Variants in PRDX5 observed in about 807,000 individuals in gnomAD.
PRDX5 encodes peroxiredoxin 5, also known as peroxiredoxin-5, mitochondrial.
In PRDX5, 21 loss-of-function variants were observed where a neutral mutation model predicts 23.8. The ratio of observed to expected loss-of-function variants is 0.88; its 90% CI spans 0.63 to 1.27. The LOEUF (loss-of-function observed/expected upper bound fraction) is 1.27. Among genes scored for constraint, PRDX5 ranks in the 50% most tolerant of loss-of-function variants. PRDX5 has a pLI of 0.00. For synonymous variants in PRDX5, 111 were observed against 113.3 expected (o/e 0.98, Z 0.13); for missense variants, 261 against 270.6 (o/e 0.96, Z 0.25).
chr11:64,319,636 G>T, intron 1 of PRDX5, 98 bp from the exon 2 acceptor site: 1 of 1,453,338 alleles, frequency 6.9e-7, no homozygotes, highest in Non-Finnish European at 9.3e-7. Flanking sequence ...TTCAGCCCCG[G>T]TTCCTGCAGG....
Position 64,321,685 on chromosome 11 carries a change from G to A in PRDX5, c.639G>A (p.Gln213=). The A allele has an allele frequency of 6.3e-7, 1 of 1,575,740 alleles. No individual in the cohort carries two copies. Among genetic ancestry groups the A allele is most frequent in the Non-Finnish European group, 8.6e-7 (1 of 1,160,674 alleles). The change falls in exon 6 of 6, where the codon CAG becomes CAA. Residue 213 remains glutamine (Q), a synonymous_variant. Transcript: ENST00000265462. ...TCSLAPNIIS[Q]L The stretch of plus-strand genomic sequence containing the variant: ...GCCTGGCACCCAATATCATCTCACA[G>A]CTCTGAGGCCCTGGGCCAGATTACT...
At position 64,320,657 on chromosome 11, in the gene PRDX5, T is replaced by G. The variant is rs2035470189; in HGVS notation, c.307-4T>G. 1 of 1,586,018 alleles carries G rather than the reference T, an allele frequency of 6.3e-7. No individual in the cohort carries two copies. The highest frequency in any genetic ancestry group is 1.1e-5 in the South Asian group (1 of 87,872). On this transcript the variant is annotated splice_polypyrimidine_tract_variant and splice_region_variant and intron_variant, in intron 2 of 5. Transcript: ENST00000265462. ...TTTGCCGACCCTTTGTTCCCCTTCC[T>G]CAGACACACCTGCCAGGGTTTGTGG... is the stretch of plus-strand genomic sequence containing the variant.
intron 1 of PRDX5, among the ~76,000 whole-genome samples, chr11:64,318,728 G>GTAGC (rs1351215302): frequency 6.6e-6 from 1 of 152,078 alleles, no homozygotes; most frequent in Non-Finnish European, 1.5e-5. Flanking sequence ...AGCCTCCTGA[G>GTAGC]TAGCTGGGAC....
At chr11:64,320,521 G>C in intron 2 of PRDX5, 140 bp from the exon 3 acceptor site, 4 of 1,295,762 alleles carry the variant, frequency 3.1e-6, no homozygotes, top group Non-Finnish European at 4.1e-6. Context: ...AAGGCAAAAA[G>C]GAAATAGAAT....
At position 64,318,158 on chromosome 11, in the gene PRDX5, C is replaced by T; in HGVS notation, c.-58C>T. 3 of 1,602,630 alleles carry T rather than the reference C, an allele frequency of 1.9e-6. No individual in the cohort carries two copies. The highest frequency in any genetic ancestry group is 2.3e-4 in the Middle Eastern group (1 of 4,412). Reference sequence around the variant, plus strand: ...GTCGCCGCTGTGCCGCTAGCGGTGCCCCGCCTGCTGCGGTGGCACCAGCCA... The same window carrying T: ...GTCGCCGCTGTGCCGCTAGCGGTGCTCCGCCTGCTGCGGTGGCACCAGCCA... On this transcript the variant is annotated 5_prime_UTR_variant, in exon 1 of 6. Coordinates refer to ENST00000265462, the MANE Select transcript of PRDX5 (RefSeq NM_012094.5).
chr11:64,321,174 GGGGAGAGTCCTCTGTGT>G (rs1184014062), intron 5 of PRDX5, 106 bp downstream of exon 5: 2 of 1,329,542 alleles, frequency 1.5e-6, no homozygotes, highest in African/African-American at 1.5e-5. Flanking sequence ...GTCGTCTGTG[GGGGAGAGTCCTCTGTGT>G]GGGAGAGTCG....
chr11:64,320,834 A>G (rs995743690), intron 3 of PRDX5, 31 bp from the exon 4 acceptor site: 16 of 1,614,076 alleles, frequency 9.9e-6, no homozygotes, highest in African/African-American at 1.3e-5. Flanking sequence ...CAGGTAGGAT[A>G]TTCTTCTTGT....
chr11:64,319,632 C>T, intron 1 of PRDX5, 102 bp from the exon 2 acceptor site: 1 of 1,437,154 alleles, frequency 7.0e-7, no homozygotes, highest in Non-Finnish European at 9.4e-7. Context: ...GGGTTTCAGC[C>T]CCGGTTCCTG....
intron 5 of PRDX5, among the ~76,000 whole-genome samples, chr11:64,321,280 G>C (rs1036045107): frequency 6.7e-6 from 1 of 149,836 alleles, no homozygotes; most frequent in Non-Finnish European, 1.5e-5. Context: ...GTGGGGGAGA[G>C]TCCTCTGTGG....
intron 1 of PRDX5, among the ~76,000 whole-genome samples, 166 bp downstream of exon 1, chr11:64,318,552 A>G (rs1427033391): frequency 2.0e-5 from 3 of 151,320 alleles, no homozygotes; most frequent in African/African-American, 7.3e-5. Flanking sequence ...CTTTCTCGCC[A>G]ATCGTGGGGG....
chr11:64,318,676 C>G (rs2035395825), intron 1 of PRDX5, among the ~76,000 whole-genome samples: 1 of 152,172 alleles, frequency 6.6e-6, no homozygotes, highest in African/African-American at 2.4e-5. Context: ...TCTCTGCTCA[C>G]TGCAGCCTCC....
intron 5 of PRDX5, 149 bp downstream of exon 5, chr11:64,321,217 C>G (rs1422630660): frequency 2.1e-6 from 2 of 958,118 alleles, no homozygotes; most frequent in Non-Finnish European, 3.2e-6. Context: ...GGGGAGAGTC[C>G]TGTGTGGGGA....
At chr11:64,320,015 C>T in intron 2 of PRDX5, 147 bp downstream of exon 2, 3 of 1,219,434 alleles carry the variant, frequency 2.5e-6, no homozygotes, top group Non-Finnish European at 3.3e-6. Context: ...CGCGGTGGCT[C>T]ACGCCTGTAA....
chr11:64,319,395 C>T (rs578164421), intron 1 of PRDX5, among the ~76,000 whole-genome samples: 5 of 152,314 alleles, frequency 3.3e-5, no homozygotes, highest in South Asian at 4.1e-4. Context: ...CCCCCAAATA[C>T]AGCCCTCTAG....
chr11:64,320,284 GAAA>G (rs111316782), intron 2 of PRDX5, among the ~76,000 whole-genome samples: 2 of 104,014 alleles, frequency 1.9e-5, no homozygotes. Context: ...GTCTCAAAAT[GAAA>G]AAAAAAAAAA....
Position 64,320,805 on chromosome 11 carries a change from G to A in PRDX5, c.438+13G>A. 1 of 1,614,200 alleles carries A rather than the reference G, an allele frequency of 6.2e-7. No homozygotes were observed. The highest frequency in any genetic ancestry group is 8.5e-7 in the Non-Finnish European group (1 of 1,180,028). On this transcript the variant is annotated intron_variant, in intron 3 of 5. Coordinates refer to ENST00000265462, the MANE Select transcript of PRDX5 (RefSeq NM_012094.5). Reference sequence around the variant, plus strand: ...GGCGGAAGGCAAGGTGAGGTGAGGGGCCTGCAGGGAGTCAGGACCAGGTAG... The same window carrying A: ...GGCGGAAGGCAAGGTGAGGTGAGGGACCTGCAGGGAGTCAGGACCAGGTAG...
intron 5 of PRDX5, among the ~76,000 whole-genome samples, 180 bp downstream of exon 5, chr11:64,321,248 C>A (rs1479116623): frequency 7.2e-6 from 1 of 139,778 alleles, no homozygotes; most frequent in Non-Finnish European, 1.5e-5. Context: ...TGGAGAGAGT[C>A]CTCTGTGGGG....
chr11:64,321,119 T>G (rs1330702321), intron 5 of PRDX5, 51 bp downstream of exon 5: 8 of 1,567,498 alleles, frequency 5.1e-6, no homozygotes, highest in Middle Eastern at 2.2e-4. Context: ...GAGAGAGTCC[T>G]CTGTGGGAGA....
At chr11:64,318,644 A>T (rs2035394707) in intron 1 of PRDX5, among the ~76,000 whole-genome samples, 1 of 151,816 alleles carries the variant, frequency 6.6e-6, no homozygotes, top group African/African-American at 2.4e-5. Context: ...TGTGTCGCCC[A>T]GGCTGGAGTG....
Sources: gnomAD v4.1 joint callset for allele counts (sites outside exome capture counted in the v4.1 genomes callset) on GRCh38, gnomAD v4.1.1 for gene constraint, MANE v1.5 for transcripts, NCBI Gene and HGNC (gene_info 2026-07-23, HGNC 2026-07-21) for gene names.